The following LRFN5 variants were observed in gnomAD, a reference collection of about 807,000 sequenced individuals.
LRFN5 encodes the protein leucine-rich repeat and fibronectin type-III domain-containing protein 5.
In LRFN5, 24 loss-of-function variants were observed where a neutral mutation model predicts 45.6. The ratio of observed to expected loss-of-function variants is 0.53; its 90% confidence interval spans 0.38 to 0.74. The LOEUF (loss-of-function observed/expected upper bound fraction) is 0.74, where lower values mean the gene tolerates loss of function less well. LRFN5 is among the 30% of genes least tolerant of loss of function. The probability of loss-of-function intolerance (pLI) is 0.00; values close to 1 mark genes in which losing one functional copy is unlikely to be tolerated. For missense variants in LRFN5, 776 were observed against 861.5 expected (o/e 0.90, Z 1.24); for synonymous variants, 340 against 313.8 (o/e 1.08, Z -0.88).
intron 2 of LRFN5, among the ~76,000 whole-genome samples, chr14:41,797,874 T>C (rs1402125396): frequency 2.0e-5 from 3 of 151,906 alleles, no homozygotes; most frequent in Non-Finnish European, 2.9e-5. Flanking sequence ...TGCTTCTCAA[T>C]TTTGAATTTT....
chr14:41,700,959 A>C (rs1882818011), intron 1 of LRFN5: 1 of 152,104 alleles, frequency 6.6e-6, no homozygotes. Context: ...TAAATAAGAA[A>C]ACTTCGTTCC....
At chr14:41,763,366 G>A (rs1356049328) in intron 1 of LRFN5, among the ~76,000 whole-genome samples, 1 of 152,158 alleles carries the variant, frequency 6.6e-6, no homozygotes, top group South Asian at 2.1e-4. Context: ...ATATCCTAGA[G>A]GATAAGAAAG....
At chr14:41,774,671 C>T (rs1440719908) in intron 2 of LRFN5, among the ~76,000 whole-genome samples, 1 of 152,124 alleles carries the variant, frequency 6.6e-6, no homozygotes, top group Non-Finnish European at 1.5e-5. Flanking sequence ...AAAATCTAGA[C>T]TTGATTTTGA....
intron 2 of LRFN5, among the ~76,000 whole-genome samples, chr14:41,822,227 A>G (rs1233544471): frequency 6.6e-6 from 1 of 150,910 alleles, no homozygotes; most frequent in Non-Finnish European, 1.5e-5. Context: ...TTATTTTTCT[A>G]TTTCCTTGAG....
chr14:41,667,056 A>G (rs967923047), intron 1 of LRFN5, among the ~76,000 whole-genome samples: 2 of 152,280 alleles, frequency 1.3e-5, no homozygotes, highest in African/African-American at 2.4e-5. Context: ...TATTTTAACA[A>G]TTAGAGCAAA....
chr14:41,877,885 A>T (rs547774165), intron 2 of LRFN5, among the ~76,000 whole-genome samples: 17 of 152,256 alleles, frequency 1.1e-4, no homozygotes, highest in African/African-American at 4.1e-4. Context: ...TAATGAAAGG[A>T]TAAATAAATT....
At chr14:41,659,090 A>G (rs1477004120) in intron 1 of LRFN5, among the ~76,000 whole-genome samples, 2 of 152,022 alleles carry the variant, frequency 1.3e-5, no homozygotes, top group East Asian at 3.9e-4. Flanking sequence ...TCTGGAGTAC[A>G]TGTTGAGAAC....
intron 1 of LRFN5, among the ~76,000 whole-genome samples, chr14:41,688,248 T>C (rs1882209050): frequency 1.3e-5 from 2 of 152,160 alleles, no homozygotes; most frequent in Admixed American, 1.3e-4. Context: ...TACTGTTTGA[T>C]AGCATAATGG....
intron 1 of LRFN5, among the ~76,000 whole-genome samples, chr14:41,695,294 C>T (rs1379916084): frequency 6.6e-6 from 1 of 151,878 alleles, no homozygotes; most frequent in Non-Finnish European, 1.5e-5. Flanking sequence ...GTCTCCATAA[C>T]ATAAAAGTGC....
intron 2 of LRFN5, among the ~76,000 whole-genome samples, chr14:41,881,890 G>A (rs1191710610): frequency 6.6e-6 from 1 of 152,146 alleles, no homozygotes; most frequent in Admixed American, 6.5e-5. Context: ...TTTTCCTGCA[G>A]ATACGTTAGA....
At chr14:41,705,952 C>G (rs1883046456) in intron 1 of LRFN5, among the ~76,000 whole-genome samples, 1 of 152,200 alleles carries the variant, frequency 6.6e-6, no homozygotes, top group Admixed American at 6.5e-5. Context: ...ATCCTGCCAA[C>G]TTGACTACTG....
At chr14:41,787,514 T>TC (rs1886768292) in intron 2 of LRFN5, among the ~76,000 whole-genome samples, 1 of 151,642 alleles carries the variant, frequency 6.6e-6, no homozygotes, top group Non-Finnish European at 1.5e-5. Flanking sequence ...TTTTTGTCTT[T>TC]TTTTTTTCTA....
intron 1 of LRFN5, among the ~76,000 whole-genome samples, chr14:41,685,114 A>C (rs916987706): frequency 7.2e-5 from 11 of 152,172 alleles, no homozygotes; most frequent in Non-Finnish European, 1.3e-4. Flanking sequence ...TATCTTGTGC[A>C]AGTTAAAATG....
chr14:41,629,028 T>A (rs1222631923), intron 1 of LRFN5, among the ~76,000 whole-genome samples: 1 of 152,180 alleles, frequency 6.6e-6, no homozygotes, highest in East Asian at 1.9e-4. Context: ...CAGCTGCTTT[T>A]AAAAAGTAGA....
At chr14:41,612,665 G>T (rs1887795862) in intron 1 of LRFN5, among the ~76,000 whole-genome samples, 1 of 152,016 alleles carries the variant, frequency 6.6e-6, no homozygotes. Context: ...TATTCCCATG[G>T]CATCCTTCAA....
rs1890767137 is a variant in LRFN5, at chr14:41,891,191, T to G, written c.1386-59T>G. The G allele has an allele frequency of 8.2e-6, 11 of 1,335,068 alleles. No homozygotes were observed. The South Asian group carries it at 1.3e-4, about 16-fold the overall frequency. 82.7% of individuals were successfully genotyped at this position (1,335,068 alleles called of 1,614,324 possible). A position where few individuals can be genotyped will look rare whatever the true frequency, so the allele number is the denominator to read the frequency against. ...GACACTGAACTAAAGTCATAATGAC[T>G]TTCTGTGTATGTGTTTTGTTTTGTT... On this transcript the variant is annotated intron_variant, in intron 3 of 5. Coordinates refer to ENST00000298119, the MANE Select transcript of LRFN5 (RefSeq NM_152447.5).
At chr14:41,698,381 T>A (rs977123893) in intron 1 of LRFN5, among the ~76,000 whole-genome samples, 1 of 152,124 alleles carries the variant, frequency 6.6e-6, no homozygotes, top group Admixed American at 6.6e-5. Context: ...TTACATTAAA[T>A]AATTGCCAAA....
At chr14:41,643,567 G>A (rs1323609214) in intron 1 of LRFN5, among the ~76,000 whole-genome samples, 2 of 151,896 alleles carry the variant, frequency 1.3e-5, no homozygotes, top group South Asian at 2.1e-4. Context: ...CAAGATTCTG[G>A]CTCTATCTTC....
At chr14:41,795,974 GC>G (rs1182987699) in intron 2 of LRFN5, among the ~76,000 whole-genome samples, 4 of 151,652 alleles carry the variant, frequency 2.6e-5, no homozygotes, top group African/African-American at 9.7e-5. Context: ...GTATTTGTGT[GC>G]CTTAAAGACA....
Sources: gnomAD v4.1 joint callset for allele counts (sites outside exome capture counted in the v4.1 genomes callset) on GRCh38, gnomAD v4.1.1 for gene constraint, MANE v1.5 for transcripts, NCBI Gene and HGNC (gene_info 2026-07-23, HGNC 2026-07-21) for gene names.